Variants in INTS3 observed in about 807,000 individuals in gnomAD.
INTS3 encodes the protein SOSS complex subunit A.
A neutral mutation model predicts 146.3 loss-of-function variants in INTS3; 34 were observed. The observed-to-expected ratio is 0.23, with a 90% CI of 0.18 to 0.31. The LOEUF is 0.31. INTS3 is among the 10% of genes least tolerant of loss of function. The pLI, the probability that INTS3 is intolerant of heterozygous loss-of-function variation, is 1.00. For synonymous variants in INTS3, 475 were observed against 494.9 expected, an observed-to-expected ratio of 0.96 and a Z score of 0.53; for missense variants, 757 against 1,304.2, an observed-to-expected ratio of 0.58 and a Z score of 6.46.
In INTS3 at chr1:153,735,028, C is replaced by T. The variant is rs892147427; in HGVS notation, c.151-5623C>T. ...TGTCACTCAGGCTGGAGTGCAGTGGCGTGATCATGGCTCACTGCATCCTCA... is the reference window on the plus strand; with the variant it reads ...TGTCACTCAGGCTGGAGTGCAGTGGTGTGATCATGGCTCACTGCATCCTCA... On this transcript the variant is annotated intron_variant, in intron 1 of 29. Coordinates refer to ENST00000318967, the MANE Select transcript of INTS3 (RefSeq NM_023015.5). Among the ~76,000 whole-genome samples the T allele has an allele frequency of 3.3e-5, 5 of 152,024 alleles. No individual in the cohort carries two copies. In the South Asian group the frequency reaches 8.3e-4, roughly 25 times the overall value.
intron 1 of INTS3, among the ~76,000 whole-genome samples, chr1:153,732,436 A>T (rs1406352230): frequency 1.3e-5 from 2 of 150,452 alleles, no homozygotes; most frequent in African/African-American, 4.9e-5. Context: ...CACCTACGTG[A>T]GTCCTTGGGG....
At chr1:153,741,428 A>T in intron 3 of INTS3, 60 bp downstream of exon 3, 1 of 1,242,870 alleles carries the variant, frequency 8.0e-7, no homozygotes, top group Non-Finnish European at 1.2e-6. Flanking sequence ...GATATGGTGG[A>T]ACTTACAGTT....
intron 3 of INTS3, among the ~76,000 whole-genome samples, chr1:153,744,494 GTT>G (rs1430983559): frequency 2.0e-5 from 3 of 152,108 alleles, no homozygotes; most frequent in African/African-American, 7.2e-5. Context: ...TCTCTTTCTT[GTT>G]TCCTTATTTG....
chr1:153,772,551 C>T lies in INTS3; in HGVS notation c.2822-88C>T, dbSNP rs769289134. 5 of 1,610,128 alleles carry T rather than the reference C, an allele frequency of 3.1e-6. No individual in the cohort carries two copies. The East Asian group carries it at 1.1e-4, about 36-fold the overall frequency. ...GACACCCGGGGCCACAACCCACACT[C>T]GGGATAAAACAACCTGTGCGTGCTG... On this transcript the variant is annotated intron_variant, in intron 27 of 29. Coordinates refer to ENST00000318967, the MANE Select transcript of INTS3 (RefSeq NM_023015.5). This position sits in a 1 kb window ranked among gnomAD's most constrained non-coding sequence, Gnocchi z 4.6.
intron 10 of INTS3, 22 bp from the exon 11 acceptor site, chr1:153,759,504 G>A: frequency 6.4e-7 from 1 of 1,551,918 alleles, no homozygotes; most frequent in South Asian, 1.1e-5. Context: ...CTAGCCCTCT[G>A]TTTCTCCCCT....
At chr1:153,758,536 G>C (rs1022180762) in intron 10 of INTS3, among the ~76,000 whole-genome samples, 36 of 152,050 alleles carry the variant, frequency 2.4e-4, no homozygotes, top group Non-Finnish European at 4.9e-4. Flanking sequence ...TGCCGAGCAC[G>C]GTGGCTCACG....
intron 8 of INTS3, among the ~76,000 whole-genome samples, chr1:153,753,058 C>T (rs1279228458): frequency 1.3e-5 from 2 of 151,988 alleles, no homozygotes; most frequent in African/African-American, 2.4e-5. Flanking sequence ...CACACACACA[C>T]ACACACACAC....
intron 18 of INTS3, 124 bp from the exon 19 acceptor site, chr1:153,764,565 GA>G: frequency 1.3e-6 from 1 of 798,714 alleles, no homozygotes; most frequent in Non-Finnish European, 2.3e-6. Flanking sequence ...CAAGCCTGCG[GA>G]GCAGCAGGAA....
Position 153,770,722 on chromosome 1 carries a change from C to A in INTS3, c.2541C>A (p.Leu847=). The stretch of plus-strand genomic sequence containing the variant: ...CCCTGTCCTGCCTACTGCTTCAACT[C>A]CGAAGAGAAAAGTGAGTTCCACTTC... The part of the protein sequence containing the change: ...PEALSCLLLQ[L]RREKPSEEMV... The change falls in exon 25 of 30, where the codon CTC becomes CTA. Residue 847 remains leucine (L), a synonymous_variant. Coordinates refer to ENST00000318967, the MANE Select transcript of INTS3 (RefSeq NM_023015.5). The A allele has an allele frequency of 6.2e-7, 1 of 1,613,626 alleles. No individual in the cohort carries two copies. Among genetic ancestry groups the A allele is most frequent in the Non-Finnish European group, 8.5e-7 (1 of 1,179,532 alleles).
In INTS3 at chr1:153,757,754, A is replaced by G. The variant is rs766667220; in HGVS notation, c.1140A>G (p.Thr380=). 6 of 1,613,160 alleles carry G rather than the reference A, an allele frequency of 3.7e-6. No homozygotes were observed. The highest frequency in any genetic ancestry group is 5.1e-6 in the Non-Finnish European group (6 of 1,179,850). Residue 380 remains threonine, a synonymous_variant, in exon 10 of 30, where the codon ACA becomes ACG. Transcript: ENST00000318967. The surrounding 1 kb of genome is among the most constrained non-coding windows in gnomAD (Gnocchi z 4.0). ...GGGCCATCATTGGTTGGCTCCTGAC[A>G]ACGTGCACGGTGAGGGCAAAAGATA... is the stretch of plus-strand genomic sequence containing the variant. The part of the protein sequence containing the change: ...PRWAIIGWLL[T]TCTSNVAASN...
At chr1:153,734,250 AG>A (rs1248224979) in intron 1 of INTS3, among the ~76,000 whole-genome samples, 1 of 152,232 alleles carries the variant, frequency 6.6e-6, no homozygotes, top group African/African-American at 2.4e-5. Flanking sequence ...TCTGGAGACT[AG>A]GGGAAAAGCG....
chr1:153,767,887 C>T, intron 21 of INTS3, 60 bp downstream of exon 21: 6 of 1,499,566 alleles, frequency 4.0e-6, no homozygotes, highest in Non-Finnish European at 5.4e-6. Context: ...TCAGTGAACA[C>T]TCTGAGTACA....
intron 10 of INTS3, among the ~76,000 whole-genome samples, chr1:153,759,274 GA>G (rs11296120): frequency 0.4 from 57,243 of 143,292 alleles, 11,515 homozygotes; most frequent in East Asian, 0.56. Flanking sequence ...ACCCTGTCTG[GA>G]AAAAAAAAAA....
At chr1:153,730,648 G>A (rs12076697) in intron 1 of INTS3, among the ~76,000 whole-genome samples, 18,914 of 152,186 alleles carry the variant, frequency 0.12, 2,010 homozygotes, top group African/African-American at 0.29. Flanking sequence ...GGGGACCATC[G>A]AAGAGGGGAA....
chr1:153,770,058 G>GGGTGT (rs1397493830), intron 23 of INTS3, 140 bp from the exon 24 acceptor site: 83 of 444,206 alleles, frequency 1.9e-4, no homozygotes, highest in East Asian at 6.4e-4. Flanking sequence ...AGTGGATTGG[G>GGGTGT]GTGTGTGTGT....
chr1:153,759,085 C>T lies in INTS3; in HGVS notation c.1150-441C>T, dbSNP rs145663638. 3.5e-3 allele frequency among the ~76,000 whole-genome samples: 525 copies of T among 151,910 alleles called. 8 individuals are homozygous for T. The highest frequency in any genetic ancestry group is 3.7e-3 in the Non-Finnish European group (251 of 67,892). ...TAAGCCGTGATCATGCCACTGCGCT[C>T]CAGCCTGGGTGACATGGCAAGACCC... On this transcript the variant is annotated intron_variant, in intron 10 of 29. Transcript: ENST00000318967.
chr1:153,743,545 AAGC>A (rs1557993010), intron 3 of INTS3, among the ~76,000 whole-genome samples: 1 of 152,180 alleles, frequency 6.6e-6, no homozygotes, highest in Non-Finnish European at 1.5e-5. Flanking sequence ...GTTAAGGAGA[AAGC>A]AGGTCAGTAT....
chr1:153,764,083 G>A (rs1167235563), intron 17 of INTS3, 35 bp from the exon 18 acceptor site: 2 of 1,545,454 alleles, frequency 1.3e-6, no homozygotes, highest in Admixed American at 3.3e-5. Context: ...CTTGGGTGTA[G>A]GTAGTGACTC....
At chr1:153,759,677 GT>G in intron 11 of INTS3, 64 bp downstream of exon 11, 3 of 1,012,366 alleles carry the variant, frequency 3.0e-6, no homozygotes, top group Non-Finnish European at 4.7e-6. Flanking sequence ...GCCTTCCTTA[GT>G]GATAGCAGTC....
Sources: allele counts gnomAD v4.1 joint callset (sites outside exome capture counted in the v4.1 genomes callset), GRCh38; gene constraint gnomAD v4.1.1; non-coding constraint Gnocchi (gnomAD v3.1); transcripts MANE v1.5; gene names NCBI Gene and HGNC (gene_info 2026-07-23, HGNC 2026-07-21).